KCNU1: variants seen among roughly 807,000 people sequenced by gnomAD.
The protein encoded by KCNU1 is potassium calcium-activated channel subfamily U member 1.
In KCNU1, 93 loss-of-function variants were observed where a neutral mutation model predicts 126.8. The ratio of observed to expected loss-of-function variants is 0.73; its 90% CI spans 0.62 to 0.87. The LOEUF (loss-of-function observed/expected upper bound fraction) is 0.87. Ranked by LOEUF, KCNU1 falls within the 40% of genes least tolerant of loss-of-function variation. The pLI is 0.00. For synonymous variants in KCNU1, 523 were observed against 494.2 expected (o/e 1.06, Z -0.77); for missense variants, 1,330 against 1,367.1 (o/e 0.97, Z 0.43).
intron 9 of KCNU1, 59 bp from the exon 10 acceptor site, chr8:36,817,591 C>A: frequency 1.3e-6 from 1 of 789,818 alleles, no homozygotes; most frequent in Non-Finnish European, 2.2e-6. Context: ...TCTCTAAATG[C>A]TGACAGGAAG....
In KCNU1 at chr8:36,786,313, C is replaced by A. The variant is rs548092265; in HGVS notation, c.196-993C>A. ...TTATGATGGAATTCAAATGAGTATT[C>A]TATATTAATGTCATACCTAGGATTT... On this transcript the variant is annotated intron_variant, in intron 1 of 26. Transcript: ENST00000399881. Among the ~76,000 whole-genome samples the A allele has an allele frequency of 1.9e-4, 29 of 152,212 alleles. 2 individuals are homozygous for A. In the South Asian group the frequency reaches 5.2e-3, roughly 27 times the overall value.
intron 2 of KCNU1, among the ~76,000 whole-genome samples, chr8:36,796,732 C>T (rs1396351391): frequency 1.3e-5 from 2 of 152,092 alleles, no homozygotes; most frequent in African/African-American, 2.4e-5. Context: ...GATATCTTTG[C>T]CCAGCTCTCT....
chr8:36,814,304 T>C lies in KCNU1; in HGVS notation c.830T>C (p.Val277Ala), dbSNP rs1228828938. The change falls in exon 8 of 27, where the codon GTT becomes GCT. Residue 277 changes from valine to alanine, a missense_variant. Physicochemically the swap from Val to Ala is moderately conservative, Grantham distance 64 (BLOSUM62 0). Around this residue, in one of 3 missense-constraint regions of KCNU1, gnomAD observed 1,054 missense variants for 1,053.9 expected, o/e 1.00. Coordinates refer to ENST00000399881, the MANE Select transcript of KCNU1 (RefSeq NM_001031836.3). Reference protein sequence around the residue: ...IYLVMATTSTVGFGDVVAKTS... With the variant: ...IYLVMATTSTAGFGDVVAKTS... ...CTGGTCATGGCAACAACGTCAACCG[T>C]TGGATTTGGAGATGTGGTAGCCAAG... 2 of 1,612,848 alleles carry C rather than the reference T, an allele frequency of 1.2e-6. No individual in the cohort carries two copies. The highest frequency in any genetic ancestry group is 2.7e-5 in the African/African-American group (2 of 74,920).
At chr8:36,908,309 G>T (rs1452087803) in intron 20 of KCNU1, among the ~76,000 whole-genome samples, 4 of 152,072 alleles carry the variant, frequency 2.6e-5, no homozygotes, top group African/African-American at 9.7e-5. Flanking sequence ...AGACACAGGG[G>T]CATTGTTAAC....
Position 36,836,941 on chromosome 8 carries a change from A to G in KCNU1, c.1514A>G (p.Lys505Arg), listed in dbSNP as rs2130560529. 1 of 1,613,728 alleles carries G rather than the reference A, an allele frequency of 6.2e-7. No individual in the cohort carries two copies. The highest frequency in any genetic ancestry group is 2.2e-5 in the East Asian group (1 of 44,866). The part of the protein sequence containing the change: ...FLTSLFVEQN[K>R]KVMPKQTWKK... ...ACATCTCTATTTGTGGAGCAAAACA[A>G]AAAGGTAACCTTGTAAATTACTGTT... Residue 505 changes from lysine to arginine, a missense_variant, in exon 14 of 27, where the codon AAA becomes AGA. Around this residue, in one of 3 missense-constraint regions of KCNU1, gnomAD observed 1,054 missense variants for 1,053.9 expected, o/e 1.00. Coordinates refer to ENST00000399881, the MANE Select transcript of KCNU1 (RefSeq NM_001031836.3).
intron 19 of KCNU1, among the ~76,000 whole-genome samples, chr8:36,892,055 C>G (rs998567350): frequency 2.0e-5 from 3 of 152,024 alleles, no homozygotes; most frequent in African/African-American, 7.2e-5. Flanking sequence ...TCTTCTTTCT[C>G]TCTCTCCCCC....
intron 22 of KCNU1, among the ~76,000 whole-genome samples, chr8:36,913,222 T>A (rs530867466): frequency 6.6e-6 from 1 of 152,280 alleles, no homozygotes; most frequent in African/African-American, 2.4e-5. Context: ...ATTGATTTTT[T>A]ATGATATGTT....
intron 2 of KCNU1, among the ~76,000 whole-genome samples, chr8:36,788,934 A>T (rs1372136162): frequency 2.6e-5 from 4 of 152,224 alleles, no homozygotes; most frequent in Non-Finnish European, 5.9e-5. Context: ...GTGGGAAAGG[A>T]ATGATGAAAA....
chr8:36,875,255 GA>G (rs570182503), intron 19 of KCNU1, among the ~76,000 whole-genome samples: 320 of 151,230 alleles, frequency 2.1e-3, no homozygotes, highest in African/African-American at 7.4e-3. Context: ...TTTTGGTGTT[GA>G]TACATAAGAA....
At chr8:36,903,755 C>G (rs1807512325) in intron 19 of KCNU1, among the ~76,000 whole-genome samples, 3 of 152,074 alleles carry the variant, frequency 2.0e-5, no homozygotes, top group African/African-American at 7.2e-5. Flanking sequence ...GTTTGGTTGA[C>G]TCAGTTTAGC....
At chr8:36,868,423 T>C (rs1351269626) in intron 19 of KCNU1, among the ~76,000 whole-genome samples, 6 of 152,160 alleles carry the variant, frequency 3.9e-5, no homozygotes, top group African/African-American at 1.4e-4. Flanking sequence ...TGATCCATTT[T>C]TTTTATGCCT....
intron 2 of KCNU1, among the ~76,000 whole-genome samples, chr8:36,794,372 T>G (rs1803016438): frequency 6.6e-6 from 1 of 152,196 alleles, no homozygotes; most frequent in South Asian, 2.1e-4. Flanking sequence ...AAAAAGTAGC[T>G]TTATTCATTA....
chr8:36,839,315 C>A (rs1804866386), intron 14 of KCNU1, among the ~76,000 whole-genome samples: 1 of 152,148 alleles, frequency 6.6e-6, no homozygotes, highest in Admixed American at 6.5e-5. Flanking sequence ...CCTTTCTGAT[C>A]TTTTTAAATC....
chr8:36,879,983 C>G (rs1806414449), intron 19 of KCNU1, among the ~76,000 whole-genome samples: 2 of 152,186 alleles, frequency 1.3e-5, no homozygotes, highest in African/African-American at 4.8e-5. Context: ...CGTACAGCAA[C>G]TCTGGCAGGA....
intron 2 of KCNU1, among the ~76,000 whole-genome samples, chr8:36,799,417 A>G (rs1803221895): frequency 1.3e-5 from 2 of 151,532 alleles, no homozygotes; most frequent in Non-Finnish European, 2.9e-5. Context: ...CAGTTCAGGG[A>G]ATCATCTTTT....
chr8:36,868,067 TCA>T (rs1241587125), intron 19 of KCNU1, among the ~76,000 whole-genome samples: 2 of 152,178 alleles, frequency 1.3e-5, no homozygotes, highest in Non-Finnish European at 2.9e-5. Flanking sequence ...GAGCCACGCT[TCA>T]GAGTTTTTTA....
At chr8:36,831,410 T>G (rs539899681) in intron 10 of KCNU1, among the ~76,000 whole-genome samples, 34 of 152,152 alleles carry the variant, frequency 2.2e-4, no homozygotes, top group African/African-American at 8.0e-4. Context: ...CCACATCCTC[T>G]CCAGCACCTG....
At chr8:36,911,281 A>G (rs1452440761) in intron 22 of KCNU1, among the ~76,000 whole-genome samples, 162 bp downstream of exon 22, 1 of 152,206 alleles carries the variant, frequency 6.6e-6, no homozygotes, top group Non-Finnish European at 1.5e-5. Context: ...AATAGCCCAC[A>G]GTTCAGTGCC....
chr8:36,838,051 A>T (rs1480680769), intron 14 of KCNU1, among the ~76,000 whole-genome samples: 1 of 152,226 alleles, frequency 6.6e-6, no homozygotes, highest in Non-Finnish European at 1.5e-5. Flanking sequence ...TGCTTCTGTA[A>T]TTCCTTCCGT....
Sources: allele counts gnomAD v4.1 joint callset (sites outside exome capture counted in the v4.1 genomes callset), GRCh38; gene constraint gnomAD v4.1.1; regional missense constraint gnomAD v4.1.1; transcripts MANE v1.5; gene names NCBI Gene and HGNC (gene_info 2026-07-23, HGNC 2026-07-21).